Variants in LRRC3 observed in about 807,000 individuals in gnomAD.
LRRC3 encodes leucine rich repeat containing 3.
For synonymous variants in LRRC3, 172 were observed against 164.1 expected, an observed-to-expected ratio of 1.05 and a Z score of -0.37; for missense variants, 351 against 361.6, an observed-to-expected ratio of 0.97 and a Z score of 0.24.
At position 44,458,414 on chromosome 21, in the gene LRRC3, T is replaced by A; in HGVS notation, c.*996T>A. 1 of 166,812 alleles carries A rather than the reference T, an allele frequency of 6.0e-6. No individual in the cohort carries two copies. 10.3% of individuals were successfully genotyped at this position (166,812 alleles called of 1,614,324 possible). On this transcript the variant is annotated 3_prime_UTR_variant, in exon 2 of 2. Coordinates refer to ENST00000291592, the MANE Select transcript of LRRC3 (RefSeq NM_030891.6). ...GTTGGCCTCAAGTGATCCGCCCGCC[T>A]CAGCCTCCCAAAGTGCTGGGATTAC...
At position 44,458,375 on chromosome 21, in the gene LRRC3, G is replaced by C. The variant is rs2051722179; in HGVS notation, c.*957G>C. 2 of 163,254 alleles carry C rather than the reference G, an allele frequency of 1.2e-5. No individual in the cohort carries two copies. Among genetic ancestry groups the C allele is most frequent in the South Asian group, 4.1e-4 (2 of 4,832 alleles). 10.1% of individuals were successfully genotyped at this position (163,254 alleles called of 1,614,324 possible). ...GACCGGGTTTCACCATGTTGGCCAG[G>C]CTGGTCTCGAACTGTTGGCCTCAAG... On this transcript the variant is annotated 3_prime_UTR_variant, in exon 2 of 2. Coordinates refer to ENST00000291592, the MANE Select transcript of LRRC3 (RefSeq NM_030891.6).
At position 44,456,573 on chromosome 21, in the gene LRRC3, G is replaced by C; in HGVS notation, c.-72G>C. 1 of 1,483,164 alleles carries C rather than the reference G, an allele frequency of 6.7e-7. No individual in the cohort carries two copies. The highest frequency in any genetic ancestry group is 9.0e-7 in the Non-Finnish European group (1 of 1,107,228). The allele number at this position is 1,483,164 out of a possible 1,614,324, so 91.9% of individuals were successfully genotyped here. A position where few individuals can be genotyped will look rare whatever the true frequency, so the allele number is the denominator to read the frequency against. On this transcript the variant is annotated 5_prime_UTR_variant, in exon 2 of 2. Transcript: ENST00000291592. ...TTCATGTCTGGTTGGATAAGGCCTT[G>C]CCTGCGGAAACCAGCTCCATCCCCA... is the stretch of plus-strand genomic sequence containing the variant.
At chr21:44,455,977 G>C (rs2051695945) in intron 1 of LRRC3, among the ~76,000 whole-genome samples, 1 of 152,206 alleles carries the variant, frequency 6.6e-6, no homozygotes, top group Admixed American at 6.5e-5. Flanking sequence ...GGAAGGGCTT[G>C]CTGGGTTATG....
rs773661334 is a variant in LRRC3, at chr21:44,456,812, G to A, written c.168G>A (p.Gln56=). The change falls in exon 2 of 2, where the codon CAG becomes CAA. Residue 56 remains glutamine (Q), a synonymous_variant. Transcript: ENST00000291592. The stretch of plus-strand genomic sequence containing the variant: ...TCTTCTGCAGCTTGCGGGGCCTTCA[G>A]GAGGTCCCCGAGGACATCCCGGCCA... ...VAVFCSLRGL[Q]EVPEDIPANT... 31 of 1,611,758 alleles carry A rather than the reference G, an allele frequency of 1.9e-5. 1 individual carries two copies. Among genetic ancestry groups the A allele is most frequent in the Non-Finnish European group, 2.3e-5 (27 of 1,179,682 alleles).
chr21:44,458,647 C>A lies in LRRC3; in HGVS notation c.*1229C>A, dbSNP rs2051723947. ...GATAATTTAGTGCTCAATTTACTAA[C>A]CTTACTTCACATTCAGGTTAGATGT... On this transcript the variant is annotated 3_prime_UTR_variant, in exon 2 of 2. Coordinates refer to ENST00000291592, the MANE Select transcript of LRRC3 (RefSeq NM_030891.6). The A allele has an allele frequency of 1.2e-5, 2 of 167,118 alleles. No individual in the cohort carries two copies. Among genetic ancestry groups the A allele is most frequent in the Non-Finnish European group, 2.9e-5 (2 of 68,124 alleles). 10.4% of individuals were successfully genotyped at this position (167,118 alleles called of 1,614,324 possible). A position where few individuals can be genotyped will look rare whatever the true frequency, so the allele number is the denominator to read the frequency against.
At position 44,456,708 on chromosome 21, in the gene LRRC3, T is replaced by C; in HGVS notation, c.64T>C (p.Phe22Leu). 1 of 1,609,722 alleles carries C rather than the reference T, an allele frequency of 6.2e-7. No individual in the cohort carries two copies. Among genetic ancestry groups the C allele is most frequent in the Non-Finnish European group, 8.5e-7 (1 of 1,179,720 alleles). The change falls in exon 2 of 2, where the codon TTC becomes CTC. Residue 22 changes from phenylalanine to leucine, a missense_variant. Transcript: ENST00000291592. ...GGTCTCCACCCGGGAGTCTTGTCTC[T>C]TCCTCCTCTTCTGCCTGCACCTGGG... is the stretch of plus-strand genomic sequence containing the variant. ...LLVSTRESCLFLLFCLHLGAA... is the reference protein window; with the variant it reads ...LLVSTRESCLLLLFCLHLGAA...
rs953046277 is a variant in LRRC3 at position 44,455,560 on chromosome 21, C to G, written c.-243C>G. On this transcript the variant is annotated 5_prime_UTR_variant, in exon 1 of 2. Coordinates refer to ENST00000291592, the MANE Select transcript of LRRC3 (RefSeq NM_030891.6). ...GTCGCGGGCGCGGTCGCAGGGGCAGCGGGGTGGCCGCCGCGCCAGGCGTGG... is the reference window on the plus strand; with the variant it reads ...GTCGCGGGCGCGGTCGCAGGGGCAGGGGGGTGGCCGCCGCGCCAGGCGTGG... 21 of 151,610 alleles carry G rather than the reference C, an allele frequency of 1.4e-4. No individual in the cohort carries two copies. Among genetic ancestry groups the G allele is most frequent in the Admixed American group, 1.4e-3 (21 of 15,224 alleles). 9.4% of individuals were successfully genotyped at this position (151,610 alleles called of 1,614,324 possible).
In LRRC3 at chr21:44,457,329, A is replaced by G. The variant is rs1184987609; in HGVS notation, c.685A>G (p.Asn229Asp). 6.2e-7 allele frequency: 1 copy of G among 1,612,910 alleles called. No homozygotes were observed. Among genetic ancestry groups the G allele is most frequent in the Non-Finnish European group, 8.5e-7 (1 of 1,179,428 alleles). Residue 229 changes from asparagine to aspartate, a missense_variant, in exon 2 of 2, where the codon AAC becomes GAC. Transcript: ENST00000291592. ...CTACGTCGTGTACTATGTGCGCCAC[A>G]ACCAGGAGGATGCCCGGAGGCACCT... The part of the protein sequence containing the change: ...IAYVVYYVRH[N>D]QEDARRHLEY...
intron 1 of LRRC3, among the ~76,000 whole-genome samples, 188 bp from the exon 2 acceptor site, chr21:44,456,310 G>T (rs531247825): frequency 7.2e-4 from 110 of 152,350 alleles, no homozygotes; most frequent in African/African-American, 2.5e-3. Flanking sequence ...GCTCCTCCCG[G>T]GCGCATTGGG....
chr21:44,457,002 C>T lies in LRRC3; in HGVS notation c.358C>T (p.Leu120=). The change falls in exon 2 of 2, where the codon CTG becomes TTG. Residue 120 remains leucine (L), a synonymous_variant. Coordinates refer to ENST00000291592, the MANE Select transcript of LRRC3 (RefSeq NM_030891.6). ...GLAGGLRLLD[L]SYNRIQRIPK... Reference sequence around the variant, plus strand: ...GGCCGGGGGCCTGCGGCTGCTGGACCTGTCTTACAACCGCATCCAGAGGAT... The same window carrying T: ...GGCCGGGGGCCTGCGGCTGCTGGACTTGTCTTACAACCGCATCCAGAGGAT... 2 of 1,606,564 alleles carry T rather than the reference C, an allele frequency of 1.2e-6. No homozygotes were observed. Among genetic ancestry groups the T allele is most frequent in the Non-Finnish European group, 1.7e-6 (2 of 1,179,860 alleles).
Position 44,456,868 on chromosome 21 carries a change from A to G in LRRC3, c.224A>G (p.Lys75Arg). The change falls in exon 2 of 2, where the codon AAG (lysine) becomes AGG (arginine). Residue 75 changes from lysine to arginine, a missense_variant. Physicochemically the swap from Lys to Arg is conservative, Grantham distance 26. Transcript: ENST00000291592. ...GTGCTCCTGAAGCTCGATGCCAACA[A>G]GATCTCCCACCTCCCGGACGGGGCC... ...NTVLLKLDAN[K>R]ISHLPDGAFQ... 6.2e-7 allele frequency: 1 copy of G among 1,609,904 alleles called. No individual in the cohort carries two copies. The highest frequency in any genetic ancestry group is 1.1e-5 in the South Asian group (1 of 90,938).
At position 44,456,757 on chromosome 21, in the gene LRRC3, G is replaced by C. The variant is rs761007262; in HGVS notation, c.113G>C (p.Arg38Pro). ...HLGAACPQPC[R>P]CPDHAGAVAV... ...GGCGCCGCCTGCCCACAGCCCTGCCGGTGCCCTGACCACGCAGGGGCTGTG... is the reference window on the plus strand; with the variant it reads ...GGCGCCGCCTGCCCACAGCCCTGCCCGTGCCCTGACCACGCAGGGGCTGTG... The change falls in exon 2 of 2, where the codon CGG becomes CCG. Residue 38 changes from arginine to proline, a missense_variant. Arg to Pro is a moderately radical substitution (Grantham distance 103). Coordinates refer to ENST00000291592, the MANE Select transcript of LRRC3 (RefSeq NM_030891.6). 6.2e-7 allele frequency: 1 copy of C among 1,610,312 alleles called. No homozygotes were observed. Among genetic ancestry groups the C allele is most frequent in the South Asian group, 1.1e-5 (1 of 91,072 alleles).
At position 44,461,744 on chromosome 21, in the gene LRRC3, C is replaced by T. The variant is rs1281205040; in HGVS notation, c.*4326C>T. 1 of 152,320 alleles carries T rather than the reference C, an allele frequency of 6.6e-6. No individual in the cohort carries two copies. The highest frequency in any genetic ancestry group is 2.4e-5 in the African/African-American group (1 of 41,460). The allele number at this position is 152,320 out of a possible 1,614,324, so 9.4% of individuals were successfully genotyped here. ...GGGGCTGCCGTCTTGGGCAGCTCCT[C>T]CCGGGTGTCTGCAAAATGCAGAGGT... On this transcript the variant is annotated 3_prime_UTR_variant, in exon 2 of 2. Transcript: ENST00000291592.
intron 1 of LRRC3, 53 bp downstream of exon 1, chr21:44,455,708 A>C (rs1472482464): frequency 6.7e-6 from 1 of 149,878 alleles, no homozygotes; most frequent in Non-Finnish European, 1.5e-5. Flanking sequence ...CCCCATGACC[A>C]TCCCCCCGCC....
chr21:44,457,483 TG>T lies in LRRC3; in HGVS notation c.*66del. 2 of 1,500,762 alleles carry T rather than the reference TG, an allele frequency of 1.3e-6. No individual in the cohort carries two copies. Among genetic ancestry groups the T allele is most frequent in the East Asian group, 4.6e-5 (2 of 43,534 alleles). 93.0% of individuals were successfully genotyped at this position (1,500,762 alleles called of 1,614,324 possible). A position where few individuals can be genotyped will look rare whatever the true frequency, so the allele number is the denominator to read the frequency against. On this transcript the variant is annotated 3_prime_UTR_variant, in exon 2 of 2. Transcript: ENST00000291592. ...TTTTGTAGTAGGTGGTGACTGATGCTGCTTTTGCTCTTCCCTGAGGCAGGTG... is the reference window on the plus strand; with the variant it reads ...TTTTGTAGTAGGTGGTGACTGATGCTCTTTTGCTCTTCCCTGAGGCAGGTG...
At position 44,456,662 on chromosome 21, in the gene LRRC3, A is replaced by G; in HGVS notation, c.18A>G (p.Pro6=). 6.3e-7 allele frequency: 1 copy of G among 1,598,690 alleles called. No homozygotes were observed. Among genetic ancestry groups the G allele is most frequent in the Middle Eastern group, 1.7e-4 (1 of 6,030 alleles). The change falls in exon 2 of 2, where the codon CCA becomes CCG. Residue 6 remains proline, a synonymous_variant. Coordinates refer to ENST00000291592, the MANE Select transcript of LRRC3 (RefSeq NM_030891.6). MGTVR[P]PRPSLLLVST... Reference sequence around the variant, plus strand: ...AGGTCAGGATGGGCACCGTGCGCCCACCTCGCCCCTCGCTCCTGCTGGTCT... The same window carrying G: ...AGGTCAGGATGGGCACCGTGCGCCCGCCTCGCCCCTCGCTCCTGCTGGTCT...
Position 44,457,324 on chromosome 21 carries a change from G to A in LRRC3, c.680G>A (p.Arg227His), listed in dbSNP as rs762873562. The part of the protein sequence containing the change: ...MVIAYVVYYV[R>H]HNQEDARRHL... ...ATCGCCTACGTCGTGTACTATGTGC[G>A]CCACAACCAGGAGGATGCCCGGAGG... Residue 227 changes from arginine (R) to histidine (H), a missense_variant, in exon 2 of 2, where the codon CGC becomes CAC. Physicochemically the swap from Arg to His is conservative, Grantham distance 29. Coordinates refer to ENST00000291592, the MANE Select transcript of LRRC3 (RefSeq NM_030891.6). 4.2e-5 allele frequency: 68 copies of A among 1,613,052 alleles called. No individual in the cohort carries two copies. Among genetic ancestry groups the A allele is most frequent in the Non-Finnish European group, 5.5e-5 (65 of 1,179,646 alleles).
chr21:44,456,390 G>T (rs2146448662), intron 1 of LRRC3, 108 bp from the exon 2 acceptor site: 2 of 534,426 alleles, frequency 3.7e-6, no homozygotes, highest in East Asian at 3.1e-5. Context: ...CCCTTCAGTG[G>T]GCCCTCAACA....
At position 44,459,340 on chromosome 21, in the gene LRRC3, C is replaced by T. The variant is rs1686888027; in HGVS notation, c.*1922C>T. 6.6e-6 allele frequency: 1 copy of T among 152,322 alleles called. No individual in the cohort carries two copies. Among genetic ancestry groups the T allele is most frequent in the Non-Finnish European group, 1.5e-5 (1 of 68,114 alleles). 9.4% of individuals were successfully genotyped at this position (152,322 alleles called of 1,614,324 possible). A position where few individuals can be genotyped will look rare whatever the true frequency, so the allele number is the denominator to read the frequency against. ...AGTGCCCTGGGCCCGTGGGGATTTC[C>T]TTCCAGAGGACACGTGGCTGAAAGC... On this transcript the variant is annotated 3_prime_UTR_variant, in exon 2 of 2. Coordinates refer to ENST00000291592, the MANE Select transcript of LRRC3 (RefSeq NM_030891.6).
Sources: gnomAD v4.1 joint callset for allele counts (sites outside exome capture counted in the v4.1 genomes callset) on GRCh38, gnomAD v4.1.1 for gene constraint, MANE v1.5 for transcripts, NCBI Gene and HGNC (gene_info 2026-07-23, HGNC 2026-07-21) for gene names.